The following JADE3 variants were observed in gnomAD, a reference collection of about 807,000 sequenced individuals.
JADE3 encodes jade family PHD finger 3.
Under a neutral mutation model 50.1 loss-of-function variants are expected in JADE3, and 2 were observed. The ratio of observed to expected loss-of-function variants is 0.04; its 90% CI spans 0.02 to 0.13. The LOEUF (loss-of-function observed/expected upper bound fraction) is 0.13, where lower values mean the gene tolerates loss of function less well. JADE3 is among the 10% of genes least tolerant of loss of function. The probability of loss-of-function intolerance (pLI) is 1.00; values close to 1 mark genes in which losing one functional copy is unlikely to be tolerated. For synonymous variants in JADE3, 218 were observed against 232.9 expected, an observed-to-expected ratio of 0.94 and a Z score of 0.58; for missense variants, 475 against 634.4, an observed-to-expected ratio of 0.75 and a Z score of 2.70.
rs1301314394 is a variant in JADE3 at position 46,998,112 on chromosome X, C to T, written c.127-8C>T. On this transcript the variant is annotated splice_region_variant and splice_polypyrimidine_tract_variant and intron_variant, in intron 3 of 10. Transcript: ENST00000614628. ...GGTCTTCTCAAGATATGTGCAATATCTTTCCAGGTATTCCGGAAGGACCTC... is the reference window on the plus strand; with the variant it reads ...GGTCTTCTCAAGATATGTGCAATATTTTTCCAGGTATTCCGGAAGGACCTC... 89 of 1,198,208 alleles carry T rather than the reference C, an allele frequency of 7.4e-5. No homozygotes were observed. Among genetic ancestry groups the T allele is most frequent in the Non-Finnish European group, 9.8e-5 (87 of 884,463 alleles).
At chrX:46,951,207 T>C (rs782801417) in intron 1 of JADE3, among the ~76,000 whole-genome samples, 148 of 103,315 alleles carry the variant, frequency 1.4e-3, no homozygotes, top group African/African-American at 4.9e-3. Context: ...TTTGTGTTTT[T>C]AATAGAGACG....
At chrX:46,956,896 A>G (rs1412041600) in intron 1 of JADE3, among the ~76,000 whole-genome samples, 1 of 103,114 alleles carries the variant, frequency 9.7e-6, no homozygotes, top group East Asian at 3.0e-4. Flanking sequence ...ATCTCGGCTC[A>G]CTGAAACCTC....
chrX:47,059,206 A>G lies in JADE3; in HGVS notation c.*129A>G. 1 of 496,236 alleles carries G rather than the reference A, an allele frequency of 2.0e-6. No individual in the cohort carries two copies. The allele number at this position is 496,236 out of a possible 1,213,427, so 40.9% of individuals were successfully genotyped here. The stretch of plus-strand genomic sequence containing the variant: ...AAAAGGATAACATTTTTCCATAGTA[A>G]ATTGTCTTGCAGTTTTTGAAAATGT... On this transcript the variant is annotated 3_prime_UTR_variant, in exon 11 of 11. Transcript: ENST00000614628.
chrX:46,923,375 T>TTCTC (rs1235628426), intron 1 of JADE3, among the ~76,000 whole-genome samples: 2,265 of 57,707 alleles, frequency 0.039, 476 homozygotes, highest in Non-Finnish European at 0.065. Context: ...GAGATTTCTT[T>TTCTC]TCTCTCTCTC....
intron 1 of JADE3, among the ~76,000 whole-genome samples, chrX:46,930,767 G>A (rs1459591292): frequency 3.6e-5 from 4 of 111,239 alleles, no homozygotes; most frequent in South Asian, 7.6e-4. Context: ...ACAGCCCTAT[G>A]ACAGACAGTT....
chrX:47,058,242 C>T lies in JADE3; in HGVS notation c.1637C>T (p.Pro546Leu), dbSNP rs1225395341. ...AGAATTACCTTGAAGTTAAAAATGC[C>T]CAAATCAACCCCAGAAGACCACAGA... ...PPRITLKLKM[P>L]KSTPEDHRNS... The change falls in exon 11 of 11, where the codon CCC becomes CTC. Residue 546 changes from proline (P) to leucine (L), a missense_variant. Pro to Leu is a moderately conservative substitution (Grantham distance 98, BLOSUM62 -3). Transcript: ENST00000614628. 3.3e-6 allele frequency: 4 copies of T among 1,207,745 alleles called. No individual in the cohort carries two copies. Among genetic ancestry groups the T allele is most frequent in the Non-Finnish European group, 4.5e-6 (4 of 894,148 alleles).
At chrX:46,927,623 T>C (rs781954478) in intron 1 of JADE3, among the ~76,000 whole-genome samples, 8 of 112,286 alleles carry the variant, frequency 7.1e-5, no homozygotes, top group Non-Finnish European at 1.1e-4. Context: ...TGAACACTTA[T>C]TGAGCTCAGG....
chrX:46,978,838 A>G (rs1556352196), intron 1 of JADE3, among the ~76,000 whole-genome samples: 1 of 111,811 alleles, frequency 8.9e-6, no homozygotes, highest in Non-Finnish European at 1.9e-5. Context: ...CTGAGCCCCA[A>G]TTTCCTCATC....
chrX:47,054,712 C>A, intron 9 of JADE3, 84 bp downstream of exon 9: 2 of 553,998 alleles, frequency 3.6e-6, no homozygotes, highest in South Asian at 6.1e-5. Context: ...AATGGTCAGT[C>A]AGCTCATAAT....
At chrX:46,967,008 A>G (rs1927382804) in intron 1 of JADE3, among the ~76,000 whole-genome samples, 1 of 112,239 alleles carries the variant, frequency 8.9e-6, no homozygotes, top group Admixed American at 9.4e-5. Flanking sequence ...TTTCTGGTCA[A>G]CTGTGTAGAA....
rs184861151 is a variant in JADE3, at chrX:46,975,578, A to G, written c.-11-9306A>G. Among the ~76,000 whole-genome samples the G allele has an allele frequency of 5.8e-4, 64 of 111,185 alleles. 1 individual carries two copies. The highest frequency in any genetic ancestry group is 5.7e-3 in the Admixed American group (60 of 10,443). On this transcript the variant is annotated intron_variant, in intron 1 of 10. Coordinates refer to ENST00000614628, the MANE Select transcript of JADE3 (RefSeq NM_014735.5). ...TGTTTAAATGACTGGATGAAATACC[A>G]TAATATTAATGTACCTTAATTATTC...
In JADE3 at chrX:47,058,289, C is replaced by G. The variant is rs1929673891; in HGVS notation, c.1684C>G (p.Gln562Glu). 1 of 1,208,681 alleles carries G rather than the reference C, an allele frequency of 8.3e-7. No individual in the cohort carries two copies. Among genetic ancestry groups the G allele is most frequent in the Non-Finnish European group, 1.1e-6 (1 of 894,886 alleles). Residue 562 changes from glutamine (Q) to glutamate (E), a missense_variant, in exon 11 of 11, where the codon CAG becomes GAG. Coordinates refer to ENST00000614628, the MANE Select transcript of JADE3 (RefSeq NM_014735.5). ...DHRNSSTETD[Q>E]QPHSPDSSSS... ...CAGAAACAGCTCCACAGAAACCGAT[C>G]AGCAGCCCCACTCTCCTGACAGCAG...
chrX:46,925,560 G>A (rs887145148), intron 1 of JADE3, among the ~76,000 whole-genome samples: 1 of 111,959 alleles, frequency 8.9e-6, no homozygotes, highest in Non-Finnish European at 1.9e-5. Flanking sequence ...AGTGGCTCAC[G>A]CCTGTCATCC....
intron 1 of JADE3, among the ~76,000 whole-genome samples, chrX:46,978,911 A>T (rs1927682266): frequency 1.8e-5 from 2 of 112,243 alleles, no homozygotes; most frequent in South Asian, 7.4e-4. Flanking sequence ...ATAAATAGAG[A>T]TATAAAGATT....
At position 46,984,943 on chromosome X, in the gene JADE3, G is replaced by C; in HGVS notation, c.46+3G>C. ...CAGCAGTGACAGTTCAGACGAAAGT[G>C]AGTAGAACCGGCTGGCAGCTGGTAA... On this transcript the variant is annotated splice_donor_region_variant and intron_variant, in intron 2 of 10. Coordinates refer to ENST00000614628, the MANE Select transcript of JADE3 (RefSeq NM_014735.5). 8.3e-7 allele frequency: 1 copy of C among 1,198,740 alleles called. No individual in the cohort carries two copies. The highest frequency in any genetic ancestry group is 1.1e-6 in the Non-Finnish European group (1 of 883,780).
At position 47,060,075 on chromosome X, in the gene JADE3, A is replaced by G. The variant is rs1285536580; in HGVS notation, c.*998A>G. 2 of 112,037 alleles carry G rather than the reference A, an allele frequency of 1.8e-5. No individual in the cohort carries two copies. The highest frequency in any genetic ancestry group is 6.5e-5 in the African/African-American group (2 of 30,855). The allele number at this position is 112,037 out of a possible 1,213,427, so 9.2% of individuals were successfully genotyped here. On this transcript the variant is annotated 3_prime_UTR_variant, in exon 11 of 11. Transcript: ENST00000614628. Reference sequence around the variant, plus strand: ...TTATTGTCAAACAGAATTTGAAAGCATGTGTTTAACACATGGATATAATTT... The same window carrying G: ...TTATTGTCAAACAGAATTTGAAAGCGTGTGTTTAACACATGGATATAATTT...
At chrX:46,978,662 G>GCCTC (rs1350429212) in intron 1 of JADE3, among the ~76,000 whole-genome samples, 1 of 111,524 alleles carries the variant, frequency 9.0e-6, no homozygotes, top group East Asian at 2.8e-4. Flanking sequence ...CCAGAACTGG[G>GCCTC]CCTCGCAAGC....
rs782643098 is a variant in JADE3 at position 47,058,725 on chromosome X, C to G, written c.2120C>G (p.Ser707Cys). The change falls in exon 11 of 11, where the codon TCC (serine) becomes TGC (cysteine). Residue 707 changes from serine to cysteine, a missense_variant. By Grantham distance (112) the Ser-to-Cys change is moderately radical. This residue lies in a region of JADE3 where 243 missense variants were observed against 238.2 expected (regional missense o/e 1.02). Coordinates refer to ENST00000614628, the MANE Select transcript of JADE3 (RefSeq NM_014735.5). ...GTCAGTCAGGGCAGCTTTAGAAAAT[C>G]CACTGTAGAACACTTTAGTAGGTCC... ...HLVSQGSFRK[S>C]TVEHFSRSFK... 13 of 1,210,731 alleles carry G rather than the reference C, an allele frequency of 1.1e-5. No homozygotes were observed. In the East Asian group the frequency reaches 3.8e-4, roughly 36 times the overall value.
chrX:46,975,126 G>A (rs782189966), intron 1 of JADE3, among the ~76,000 whole-genome samples: 20 of 112,265 alleles, frequency 1.8e-4, no homozygotes, highest in African/African-American at 3.6e-4. Flanking sequence ...AAGTCTGTGC[G>A]ACTGTCTTTA....
Sources: gnomAD v4.1 joint callset for allele counts (sites outside exome capture counted in the v4.1 genomes callset) on GRCh38, gnomAD v4.1.1 for gene constraint, gnomAD v4.1.1 regional missense constraint, MANE v1.5 for transcripts, NCBI Gene and HGNC (gene_info 2026-07-23, HGNC 2026-07-21) for gene names.